The following TMEM255A variants were observed in gnomAD, a reference collection of about 807,000 sequenced individuals.
TMEM255A encodes family with sequence similarity 70, member A.
TMEM255A carries 14 observed loss-of-function variants against 23.5 expected under a neutral mutation model. That is an observed-to-expected ratio of 0.60 (90% CI 0.39 to 0.93). The LOEUF (loss-of-function observed/expected upper bound fraction) is 0.93, where lower values mean the gene tolerates loss of function less well. TMEM255A is among the 40% of genes least tolerant of loss of function. The pLI is 0.00. For missense variants in TMEM255A, 233 were observed against 261.7 expected (o/e 0.89, Z 0.76); for synonymous variants, 104 against 100.3 (o/e 1.04, Z -0.22).
At chrX:120,255,777 T>TA (rs1603398730), downstream of TMEM255A, 1 of 169,744 alleles carries the variant, frequency 5.9e-6, no homozygotes, top group African/African-American at 3.1e-5. Flanking sequence ...TAGTACATCT[T>TA]ACAGCTTTCC....
intron 2 of TMEM255A, among the ~76,000 whole-genome samples, chrX:120,297,482 T>C (rs1556025076): frequency 1.8e-5 from 2 of 109,101 alleles, no homozygotes; most frequent in East Asian, 2.9e-4. Flanking sequence ...AGAATTCACT[T>C]ACCTGGATGA....
At chrX:120,266,069 G>A (rs1439438501) in intron 8 of TMEM255A, among the ~76,000 whole-genome samples, 2 of 106,531 alleles carry the variant, frequency 1.9e-5, no homozygotes, top group South Asian at 4.3e-4. Context: ...CAGGAGAATC[G>A]CTTGACCCCA....
intron 1 of TMEM255A, among the ~76,000 whole-genome samples, chrX:120,305,704 T>C (rs1456412683): frequency 1.1e-5 from 1 of 93,789 alleles, no homozygotes; most frequent in South Asian, 5.3e-4. Flanking sequence ...GGAGAGGGGA[T>C]GGAGGAAGGG....
chrX:120,254,051 C>T (rs1556014831), downstream of TMEM255A: 1 of 1,210,537 alleles, frequency 8.3e-7, no homozygotes, highest in East Asian at 3.0e-5. Context: ...CGAGTAATAA[C>T]ACAGTGGCAC....
intron 8 of TMEM255A, 102 bp from the exon 9 acceptor site, chrX:120,261,130 TTTGGAAGA>T: frequency 9.7e-7 from 1 of 1,033,435 alleles, no homozygotes; most frequent in Non-Finnish European, 1.3e-6. Context: ...TTTTTTTCTA[TTTGGAAGA>T]ACAGAGAGCT....
the TMEM255A span, among the ~76,000 whole-genome samples, chrX:120,252,433 G>GT: frequency 1.8e-5 from 2 of 110,963 alleles, no homozygotes; most frequent in East Asian, 5.6e-4. Context: ...AAAAAATGAT[G>GT]TTTTGCTAGT....
intron 6 of TMEM255A, 74 bp from the exon 7 acceptor site, chrX:120,277,121 G>C (rs2057804638): frequency 1.0e-6 from 1 of 956,616 alleles, no homozygotes. Context: ...CCCCAACTCT[G>C]GGATTGGGCT....
chrX:120,261,012 G>A lies in TMEM255A; in HGVS notation c.836C>T (p.Pro279Leu). The A allele has an allele frequency of 8.4e-7, 1 of 1,191,769 alleles. No homozygotes were observed. Among genetic ancestry groups the A allele is most frequent in the Non-Finnish European group, 1.1e-6 (1 of 889,017 alleles). Reference sequence around the variant, plus strand: ...AGAAAGTCCAGAGGGAGGGGAGGATGGAAAGACACCGGAATGCTGTGTGAT... The same window carrying A: ...AGAAAGTCCAGAGGGAGGGGAGGATAGAAAGACACCGGAATGCTGTGTGAT... ...AYDFQHSGVF[P>L]SSPPSGLSDE... Residue 279 changes from proline to leucine, a missense_variant, in exon 9 of 9, where the codon CCA (proline) becomes CTA (leucine). Transcript: ENST00000371369.
intron 7 of TMEM255A, among the ~76,000 whole-genome samples, chrX:120,272,494 T>C (rs1037848765): frequency 9.0e-6 from 1 of 111,395 alleles, no homozygotes; most frequent in Admixed American, 9.5e-5. Flanking sequence ...TGGGAGGTGA[T>C]TGAATCGTGG....
At position 120,259,089 on chromosome X, in the gene TMEM255A, G is replaced by T. The variant is rs1463003173; in HGVS notation, c.*1781C>A. 8.9e-6 allele frequency: 1 copy of T among 112,494 alleles called. No individual in the cohort carries two copies. The highest frequency in any genetic ancestry group is 1.9e-5 in the Non-Finnish European group (1 of 53,170). The allele number at this position is 112,494 out of a possible 1,213,427, so 9.3% of individuals were successfully genotyped here. On this transcript the variant is annotated 3_prime_UTR_variant, in exon 9 of 9. Transcript: ENST00000371369. ...AAATGTGATAAATGTAGGATAAACT[G>T]TGTAATGGTGCCTTAAAAAATTAAA...
At chrX:120,270,509 C>CT (rs2057751416) in intron 7 of TMEM255A, among the ~76,000 whole-genome samples, 1 of 111,216 alleles carries the variant, frequency 9.0e-6, no homozygotes, top group South Asian at 3.8e-4. Context: ...AAGAATGCTA[C>CT]TTTTTTTCCC....
intron 6 of TMEM255A, 27 bp from the exon 7 acceptor site, chrX:120,277,074 C>T (rs187392679): frequency 8.4e-7 from 1 of 1,185,992 alleles, no homozygotes; most frequent in Non-Finnish European, 1.1e-6. Flanking sequence ...ATGCTCCAGT[C>T]AGTCCCCAGG....
chrX:120,292,760 G>GAA (rs1209067613), intron 3 of TMEM255A, among the ~76,000 whole-genome samples: 1 of 101,439 alleles, frequency 9.9e-6, no homozygotes, highest in African/African-American at 3.6e-5. Flanking sequence ...ACTCCATCTC[G>GAA]AAAAAAAAAA....
Position 120,259,968 on chromosome X carries a change from A to T in TMEM255A, c.*902T>A. 9.3e-6 allele frequency: 2 copies of T among 215,098 alleles called. No individual in the cohort carries two copies. Among genetic ancestry groups the T allele is most frequent in the Non-Finnish European group, 1.4e-5 (2 of 146,319 alleles). The allele number at this position is 215,098 out of a possible 1,213,427, so 17.7% of individuals were successfully genotyped here. A position where few individuals can be genotyped will look rare whatever the true frequency, so the allele number is the denominator to read the frequency against. On this transcript the variant is annotated 3_prime_UTR_variant, in exon 9 of 9. Coordinates refer to ENST00000371369, the MANE Select transcript of TMEM255A (RefSeq NM_001104544.3). ...AGGATACGTGCGGATTGCTGGGGTT[A>T]AGCACAATATTTGAAGATTAAATAG...
In TMEM255A at chrX:120,267,220, T is replaced by C. The variant is rs782816578; in HGVS notation, c.819+1024A>G. Among the ~76,000 whole-genome samples, 317 of 112,350 alleles carry C rather than the reference T, an allele frequency of 2.8e-3. 4 individuals are homozygous for C. Among genetic ancestry groups the C allele is most frequent in the African/African-American group, 9.5e-3 (293 of 30,958 alleles). On this transcript the variant is annotated intron_variant, in intron 8 of 8. Coordinates refer to ENST00000371369, the MANE Select transcript of TMEM255A (RefSeq NM_001104544.3). ...ATCTAAACCAACCACAACAACACTTTATTCAACTTAATCAGATTTTTAAGT... is the reference window on the plus strand; with the variant it reads ...ATCTAAACCAACCACAACAACACTTCATTCAACTTAATCAGATTTTTAAGT...
intron 6 of TMEM255A, among the ~76,000 whole-genome samples, chrX:120,280,923 T>C (rs1603401565): frequency 3.6e-5 from 4 of 112,531 alleles, no homozygotes; most frequent in East Asian, 5.6e-4. Context: ...AAAGCTTCAA[T>C]AGTGCCTTCT....
intron 1 of TMEM255A, among the ~76,000 whole-genome samples, 199 bp from the exon 2 acceptor site, chrX:120,304,690 A>C (rs782245833): frequency 9.0e-6 from 1 of 111,712 alleles, no homozygotes; most frequent in Non-Finnish European, 1.9e-5. Context: ...TTATAATAAA[A>C]TATGTATTTC....
chrX:120,260,306 A>G lies in TMEM255A; in HGVS notation c.*564T>C. Reference sequence around the variant, plus strand: ...TGATCACAACAGCCATTTTTACAATACTCACAGAGAAGGAAGGAGTAAGAG... The same window carrying G: ...TGATCACAACAGCCATTTTTACAATGCTCACAGAGAAGGAAGGAGTAAGAG... On this transcript the variant is annotated 3_prime_UTR_variant, in exon 9 of 9. Transcript: ENST00000371369. 4.3e-6 allele frequency: 2 copies of G among 463,615 alleles called. No individual in the cohort carries two copies. Among genetic ancestry groups the G allele is most frequent in the Non-Finnish European group, 5.4e-6 (2 of 373,387 alleles). The allele number at this position is 463,615 out of a possible 1,213,427, so 38.2% of individuals were successfully genotyped here.
At chrX:120,308,838 T>C (rs1211178905) in intron 1 of TMEM255A, among the ~76,000 whole-genome samples, 1 of 112,775 alleles carries the variant, frequency 8.9e-6, no homozygotes, top group African/African-American at 3.2e-5. Context: ...TGCTCCACTC[T>C]GAGCCTTGGA....
Sources: gnomAD v4.1 joint callset for allele counts (sites outside exome capture counted in the v4.1 genomes callset) on GRCh38, gnomAD v4.1.1 for gene constraint, MANE v1.5 for transcripts, NCBI Gene and HGNC (gene_info 2026-07-23, HGNC 2026-07-21) for gene names.